Variants in BEND2 observed in about 807,000 individuals in gnomAD.
BEND2 encodes BEN domain-containing protein 2.
BEND2 carries 19 observed loss-of-function variants against 43.8 expected under a neutral mutation model. The ratio of observed to expected loss-of-function variants is 0.43; its 90% CI spans 0.30 to 0.64. The LOEUF (loss-of-function observed/expected upper bound fraction) is 0.64, where lower values mean the gene tolerates loss of function less well. Ranked by LOEUF, BEND2 falls within the 30% of genes least tolerant of loss-of-function variation. The probability of loss-of-function intolerance (pLI) is 0.11; values close to 1 mark genes in which losing one functional copy is unlikely to be tolerated. For missense variants in BEND2, 544 were observed against 574.0 expected (o/e 0.95, Z 0.53); for synonymous variants, 226 against 210.1 (o/e 1.08, Z -0.66).
intron 9 of BEND2, among the ~76,000 whole-genome samples, chrX:18,180,027 A>C (rs1050065593): frequency 3.6e-5 from 4 of 112,286 alleles, no homozygotes; most frequent in African/African-American, 9.7e-5. Context: ...AAATACAAAA[A>C]CTAGCTGGGT....
chrX:18,184,207 C>T (rs761443394), intron 8 of BEND2, among the ~76,000 whole-genome samples: 6 of 111,454 alleles, frequency 5.4e-5, no homozygotes, highest in South Asian at 7.7e-4. Context: ...AGAGCCCAGG[C>T]GCAGTGGCTC....
intron 8 of BEND2, 146 bp from the exon 9 acceptor site, chrX:18,180,796 T>C (rs768852308): frequency 3.9e-4 from 183 of 470,029 alleles, no homozygotes; most frequent in Non-Finnish European, 5.9e-4. Flanking sequence ...TTTCTTTCTT[T>C]TTTTTTTAGA....
intron 3 of BEND2, among the ~76,000 whole-genome samples, chrX:18,213,471 T>C (rs755955280): frequency 8.9e-6 from 1 of 112,005 alleles, no homozygotes; most frequent in Non-Finnish European, 1.9e-5. Flanking sequence ...AAGTTTCATC[T>C]CTTTCCTGTT....
chrX:18,169,055 A>G (rs1923896648), intron 13 of BEND2, among the ~76,000 whole-genome samples: 1 of 110,580 alleles, frequency 9.0e-6, no homozygotes, highest in African/African-American at 3.3e-5. Flanking sequence ...GCTTGAGCCC[A>G]TGAGTTTGAG....
At position 18,174,060 on chromosome X, in the gene BEND2, C is replaced by T; in HGVS notation, c.1951G>A (p.Asp651Asn). The T allele has an allele frequency of 8.3e-7, 1 of 1,210,408 alleles. No homozygotes were observed. Among genetic ancestry groups the T allele is most frequent in the South Asian group, 1.8e-5 (1 of 56,751 alleles). ...GCTTCACCAGGTTCCTCTGGATTAT[C>T]AGTGGAAGGTTCTCGCATTCCTTCA... ...IPEGMREPST[D>N]NPEEPGEAWS... The change falls in exon 12 of 14, where the codon GAT (aspartate) becomes AAT (asparagine). Residue 651 changes from aspartate to asparagine, a missense_variant. By Grantham distance (23) the Asp-to-Asn change is conservative. This residue lies in a region of BEND2 where 501 missense variants were observed against 501.6 expected (regional missense o/e 1.00). Coordinates refer to ENST00000380033, the MANE Select transcript of BEND2 (RefSeq NM_153346.5).
intron 7 of BEND2, 75 bp downstream of exon 7, chrX:18,195,221 C>T (rs986494402): frequency 9.6e-7 from 1 of 1,037,156 alleles, no homozygotes; most frequent in African/African-American, 1.9e-5. Flanking sequence ...AAAGCTACCA[C>T]TAAGAATTAA....
intron 8 of BEND2, among the ~76,000 whole-genome samples, chrX:18,181,184 A>T (rs1231702679): frequency 8.9e-6 from 1 of 111,933 alleles, no homozygotes; most frequent in Non-Finnish European, 1.9e-5. Context: ...CTGGAAAACA[A>T]TTACTACATT....
intron 10 of BEND2, among the ~76,000 whole-genome samples, chrX:18,176,414 C>T (rs1272614081): frequency 1.9e-5 from 2 of 105,995 alleles, no homozygotes; most frequent in Non-Finnish European, 3.9e-5. Flanking sequence ...CACAGTGGCT[C>T]ATGTCTGTAA....
chrX:18,219,288 G>A (rs1210318061), intron 1 of BEND2, among the ~76,000 whole-genome samples: 1 of 112,574 alleles, frequency 8.9e-6, no homozygotes, highest in African/African-American at 3.2e-5. Flanking sequence ...CTCGGGGAGA[G>A]CCGGGAGGGA....
At chrX:18,216,475 G>A (rs1296609393) in intron 2 of BEND2, 46 bp downstream of exon 2, 7 of 1,080,416 alleles carry the variant, frequency 6.5e-6, no homozygotes, top group Middle Eastern at 2.5e-4. Context: ...TGGAAATGGG[G>A]ACCAGAGAGT....
intron 8 of BEND2, among the ~76,000 whole-genome samples, chrX:18,182,398 G>A (rs887124159): frequency 4.5e-5 from 5 of 111,263 alleles, no homozygotes; most frequent in Non-Finnish European, 7.5e-5. Flanking sequence ...ATTAAACATC[G>A]TTTCTTCATA....
chrX:18,216,663 A>G lies in BEND2; in HGVS notation c.96T>C (p.Ser32=), dbSNP rs769758723. The G allele has an allele frequency of 4.1e-6, 5 of 1,208,958 alleles. No individual in the cohort carries two copies. Among genetic ancestry groups the G allele is most frequent in the Middle Eastern group, 2.3e-4 (1 of 4,344 alleles). Residue 32 remains serine, a synonymous_variant, in exon 2 of 14, where the codon TCT becomes TCC. Transcript: ENST00000380033. ...CATTAGTGGAATTATCTGCTGTTTC[A>G]GAAACTTCCACCATCTCAATACTGC... ...NDCSIEMVEV[S]ETADNSTNDI... is the part of the protein sequence containing the mutation.
chrX:18,167,288 A>G (rs931385709), intron 13 of BEND2, among the ~76,000 whole-genome samples: 1 of 110,921 alleles, frequency 9.0e-6, no homozygotes, highest in African/African-American at 3.3e-5. Flanking sequence ...CAAAGAAAAA[A>G]AAAGAAAGAA....
At position 18,213,818 on chromosome X, in the gene BEND2, C is replaced by T; in HGVS notation, c.332G>A (p.Ser111Asn). 5.8e-6 allele frequency: 1 copy of T among 172,835 alleles called. No individual in the cohort carries two copies. Among genetic ancestry groups the T allele is most frequent in the Non-Finnish European group, 1.1e-5 (1 of 88,123 alleles). The allele number at this position is 172,835 out of a possible 1,213,427, so 14.2% of individuals were successfully genotyped here. ...CCTGTCATCCCAGCTACTGGGAAGGCTGAGGTGGAAGAATTGCTTGAGTCC... is the reference window on the plus strand; with the variant it reads ...CCTGTCATCCCAGCTACTGGGAAGGTTGAGGTGGAAGAATTGCTTGAGTCC... ...PLGLKQFFHLSLPSSWDDRRT... is the reference protein window; with the variant it reads ...PLGLKQFFHLNLPSSWDDRRT... The change falls in exon 3 of 14, where the codon AGC becomes AAC. Residue 111 changes from serine to asparagine, a missense_variant. Ser to Asn is a conservative substitution (Grantham distance 46). Coordinates refer to ENST00000380033, the MANE Select transcript of BEND2 (RefSeq NM_153346.5).
rs994884381 is a variant in BEND2, at chrX:18,202,143, G to A, written c.908-203C>T. 3.6e-5 allele frequency among the ~76,000 whole-genome samples: 4 copies of A among 111,597 alleles called. No homozygotes were observed. In the South Asian group the frequency reaches 1.5e-3, roughly 42 times the overall value. ...TCAAAAAAAGAAGATGATGAAAGAA[G>A]GAATCTTGGAGCATCAGGAAGAAAG... On this transcript the variant is annotated intron_variant, in intron 5 of 13. Transcript: ENST00000380033.
At chrX:18,171,329 A>C in intron 12 of BEND2, 125 bp from the exon 13 acceptor site, 1 of 740,701 alleles carries the variant, frequency 1.4e-6, no homozygotes, top group Non-Finnish European at 1.9e-6. Flanking sequence ...GAGGTTAAAA[A>C]ATTTAAGGCC....
At chrX:18,203,990 T>C (rs899538503) in intron 4 of BEND2, 75 bp from the exon 5 acceptor site, 5 of 982,248 alleles carry the variant, frequency 5.1e-6, no homozygotes, top group Non-Finnish European at 6.8e-6. Context: ...CCATGAGACA[T>C]ACAATCAAAA....
intron 6 of BEND2, among the ~76,000 whole-genome samples, chrX:18,200,520 A>AG (rs1262752877): frequency 6.5e-4 from 71 of 109,102 alleles, no homozygotes; most frequent in African/African-American, 2.1e-3. Flanking sequence ...AAAAAAAAAA[A>AG]AAGAAGAAAA....
chrX:18,165,230 G>A lies in BEND2; in HGVS notation c.2186-7C>T. The A allele has an allele frequency of 8.5e-7, 1 of 1,179,749 alleles. No homozygotes were observed. ...TAGTTTTCTTGGAGGAACTCTGATGGTAAAGACCCAAGACATAACAGTTAC... is the reference window on the plus strand; with the variant it reads ...TAGTTTTCTTGGAGGAACTCTGATGATAAAGACCCAAGACATAACAGTTAC... On this transcript the variant is annotated splice_polypyrimidine_tract_variant and splice_region_variant and intron_variant, in intron 13 of 13. Coordinates refer to ENST00000380033, the MANE Select transcript of BEND2 (RefSeq NM_153346.5).
Sources: allele counts gnomAD v4.1 joint callset (sites outside exome capture counted in the v4.1 genomes callset), GRCh38; gene constraint gnomAD v4.1.1; regional missense constraint gnomAD v4.1.1; transcripts MANE v1.5; gene names NCBI Gene and HGNC (gene_info 2026-07-23, HGNC 2026-07-21).